PRKCB: variants seen among roughly 807,000 people sequenced by gnomAD.
The protein encoded by PRKCB is protein kinase C beta type.
In PRKCB, 13 loss-of-function variants were observed where a neutral mutation model predicts 81.5. That is an observed-to-expected ratio of 0.16 (90% confidence interval 0.10 to 0.25). The LOEUF (loss-of-function observed/expected upper bound fraction) is 0.25, where lower values mean the gene tolerates loss of function less well. Among genes scored for constraint, PRKCB ranks in the 10% least tolerant of loss-of-function variants. PRKCB has a pLI of 1.00. For synonymous variants in PRKCB, 335 were observed against 321.4 expected (o/e 1.04, Z -0.45); for missense variants, 509 against 875.7 (o/e 0.58, Z 5.29).
intron 3 of PRKCB, among the ~76,000 whole-genome samples, chr16:23,991,970 G>A (rs1964891572): frequency 6.6e-6 from 1 of 152,232 alleles, no homozygotes; most frequent in South Asian, 2.1e-4. Flanking sequence ...TATGGTGTTA[G>A]AAGGTGGGCC....
intron 9 of PRKCB, among the ~76,000 whole-genome samples, chr16:24,143,957 C>T (rs909578963): frequency 1.3e-5 from 2 of 152,202 alleles, no homozygotes; most frequent in Non-Finnish European, 2.9e-5. Context: ...ACACCATCCA[C>T]AGCACAGTGT....
chr16:24,072,890 C>G (rs766418231), intron 5 of PRKCB, among the ~76,000 whole-genome samples: 1 of 152,174 alleles, frequency 6.6e-6, no homozygotes, highest in Non-Finnish European at 1.5e-5. Flanking sequence ...CTAACTCTCT[C>G]TCTCTTTTTA....
At chr16:24,066,132 T>C (rs9921475) in intron 5 of PRKCB, among the ~76,000 whole-genome samples, 23,615 of 150,780 alleles carry the variant, frequency 0.16, 3,666 homozygotes, top group African/African-American at 0.4. Context: ...TTTATCTTGG[T>C]TGGTGTTTCT....
chr16:24,081,927 G>GAAAAATTGT (rs1164467847), intron 5 of PRKCB, among the ~76,000 whole-genome samples: 1 of 151,898 alleles, frequency 6.6e-6, no homozygotes, highest in Admixed American at 6.6e-5. Flanking sequence ...AGGAAAAAAA[G>GAAAAATTGT]AAAAATTGTT....
At position 24,216,294 on chromosome 16, in the gene PRKCB, T is replaced by C. The variant is rs1968227208; in HGVS notation, c.*1478T>C. 1.0e-6 allele frequency: 1 copy of C among 985,398 alleles called. No homozygotes were observed. Among genetic ancestry groups the C allele is most frequent in the East Asian group, 1.1e-4 (1 of 8,808 alleles). 61.0% of individuals were successfully genotyped at this position (985,398 alleles called of 1,614,324 possible). On this transcript the variant is annotated 3_prime_UTR_variant, in exon 17 of 17. Coordinates refer to ENST00000643927, the MANE Select transcript of PRKCB (RefSeq NM_002738.7). ...GTGAATGGGGCTCTTGATTTTCTTATCAAAATCACCACTCCTCCCAGCTTG... is the reference window on the plus strand; with the variant it reads ...GTGAATGGGGCTCTTGATTTTCTTACCAAAATCACCACTCCTCCCAGCTTG...
intron 9 of PRKCB, among the ~76,000 whole-genome samples, chr16:24,143,249 C>T (rs1162080812): frequency 2.0e-5 from 3 of 152,200 alleles, no homozygotes; most frequent in Non-Finnish European, 4.4e-5. Context: ...TCTCCTGCCT[C>T]AGCCTCCCAA....
chr16:23,862,025 CT>C (rs1223582054), intron 2 of PRKCB, among the ~76,000 whole-genome samples: 1 of 152,190 alleles, frequency 6.6e-6, no homozygotes, highest in Non-Finnish European at 1.5e-5. Context: ...GCTCCTCCCC[CT>C]TTTTTCCTGG....
intron 2 of PRKCB, among the ~76,000 whole-genome samples, chr16:23,902,634 C>T (rs1156239447): frequency 6.6e-6 from 1 of 152,104 alleles, no homozygotes; most frequent in Non-Finnish European, 1.5e-5. Flanking sequence ...TCTCACCCCT[C>T]ACCATTATTA....
At chr16:24,120,033 C>G (rs752715376) in intron 8 of PRKCB, among the ~76,000 whole-genome samples, 1 of 152,156 alleles carries the variant, frequency 6.6e-6, no homozygotes, top group African/African-American at 2.4e-5. Context: ...AGACAAATTA[C>G]CGATTTATGC....
At chr16:23,843,249 AT>A (rs1962297452) in intron 2 of PRKCB, among the ~76,000 whole-genome samples, 1 of 152,124 alleles carries the variant, frequency 6.6e-6, no homozygotes, top group Non-Finnish European at 1.5e-5. Context: ...TTTTCAAAAA[AT>A]CACCAAGTCA....
intron 5 of PRKCB, among the ~76,000 whole-genome samples, chr16:24,080,243 T>A (rs1021852204): frequency 3.3e-5 from 5 of 152,148 alleles, no homozygotes; most frequent in African/African-American, 1.2e-4. Flanking sequence ...GAATCACTCA[T>A]CACCTGCCCA....
rs777415569 is a variant in PRKCB at position 24,174,542 on chromosome 16, C to T, written c.1356C>T (p.Ile452=). Residue 452 remains isoleucine, a synonymous_variant, in exon 12 of 17, where the codon ATC becomes ATT. Coordinates refer to ENST00000643927, the MANE Select transcript of PRKCB (RefSeq NM_002738.7). ...GATTTTACGCTGCAGAAATTGCCAT[C>T]GGTCTGTTCTTCTTACAGAGTAAGG... is the stretch of plus-strand genomic sequence containing the variant. ...HAVFYAAEIA[I]GLFFLQSKGI... is the part of the protein sequence containing the mutation. 18 of 1,611,362 alleles carry T rather than the reference C, an allele frequency of 1.1e-5. No individual in the cohort carries two copies. The highest frequency in any genetic ancestry group is 6.6e-5 in the South Asian group (6 of 90,800).
At chr16:24,147,306 CAAA>C (rs34855077) in intron 9 of PRKCB, among the ~76,000 whole-genome samples, 2 of 114,908 alleles carry the variant, frequency 1.7e-5, no homozygotes, top group Admixed American at 9.3e-5. Flanking sequence ...GACTCTGTCT[CAAA>C]AAAAAAAAAA....
intron 2 of PRKCB, among the ~76,000 whole-genome samples, chr16:23,868,742 A>G (rs551569872): frequency 2.1e-3 from 316 of 152,364 alleles, no homozygotes; most frequent in Non-Finnish European, 3.8e-3. Context: ...TAAAGTGGTG[A>G]CATGAATGGC....
chr16:24,064,767 A>C (rs1966011763), intron 5 of PRKCB, among the ~76,000 whole-genome samples: 2 of 151,972 alleles, frequency 1.3e-5, no homozygotes. Context: ...TATAAAATAT[A>C]ATTGATATCT....
intron 13 of PRKCB, among the ~76,000 whole-genome samples, chr16:24,184,879 AAAT>A: frequency 6.6e-6 from 1 of 152,328 alleles, no homozygotes; most frequent in Non-Finnish European, 1.5e-5. Context: ...ACTGTTTTGA[AAAT>A]AATAATAACA....
intron 2 of PRKCB, among the ~76,000 whole-genome samples, chr16:23,855,051 A>G (rs1178951807): frequency 6.6e-6 from 1 of 152,008 alleles, no homozygotes; most frequent in Non-Finnish European, 1.5e-5. Flanking sequence ...ATCAAATACT[A>G]CCGTTACTAC....
chr16:24,142,635 C>T lies in PRKCB; in HGVS notation c.1066-12049C>T, dbSNP rs74367959. On this transcript the variant is annotated intron_variant, in intron 9 of 16. Transcript: ENST00000643927. ...GCTTCTAAAACCTCCACAGGGAGTT[C>T]TAATATGCAGCAGGGAGAAGCAGCA... Among the ~76,000 whole-genome samples, 817 of 152,298 alleles carry T rather than the reference C, an allele frequency of 5.4e-3. 12 individuals are homozygous for T. The highest frequency in any genetic ancestry group is 0.019 in the African/African-American group (775 of 41,560).
At chr16:24,190,142 A>G (rs1323068361) in intron 15 of PRKCB, among the ~76,000 whole-genome samples, 2 of 152,336 alleles carry the variant, frequency 1.3e-5, no homozygotes, top group African/African-American at 4.8e-5. Context: ...ACGGAACACC[A>G]AAGAAACCTC....
Sources: allele counts gnomAD v4.1 joint callset (sites outside exome capture counted in the v4.1 genomes callset), GRCh38; gene constraint gnomAD v4.1.1; transcripts MANE v1.5; gene names NCBI Gene and HGNC (gene_info 2026-07-23, HGNC 2026-07-21).